The following MINDY4 variants were observed in gnomAD, a reference collection of about 807,000 sequenced individuals.
MINDY4 encodes MINDY lysine 48 deubiquitinase 4, also known as probable ubiquitin carboxyl-terminal hydrolase MINDY-4.
In MINDY4, 68 loss-of-function variants were observed where a neutral mutation model predicts 87.0. The ratio of observed to expected loss-of-function variants is 0.78; its 90% CI spans 0.64 to 0.96. MINDY4 has a LOEUF of 0.96. Among genes scored for constraint, MINDY4 ranks in the 40% least tolerant of loss-of-function variants. MINDY4 has a pLI of 0.00. For synonymous variants in MINDY4, 379 were observed against 363.2 expected (o/e 1.04, Z -0.50); for missense variants, 919 against 928.2 (o/e 0.99, Z 0.13).
intron 6 of MINDY4, among the ~76,000 whole-genome samples, chr7:30,835,437 A>G (rs1788828317): frequency 6.6e-6 from 1 of 152,196 alleles, no homozygotes; most frequent in Non-Finnish European, 1.5e-5. Context: ...GGGAGTTACA[A>G]AATGAAATTT....
chr7:30,781,821 A>C, intron 2 of MINDY4, 156 bp from the exon 3 acceptor site: 1 of 619,032 alleles, frequency 1.6e-6, no homozygotes, highest in South Asian at 2.0e-5. Flanking sequence ...ATAGTACCTG[A>C]CATATATAAT....
Position 30,793,180 on chromosome 7 carries a change from C to T in MINDY4, c.1073+1606C>T, listed in dbSNP as rs530807619. On this transcript the variant is annotated intron_variant, in intron 5 of 17. Transcript: ENST00000265299. ...TTTAATTGTTTATATATGTATTATT[C>T]TTTATGATTGCAATCCTTTGATATT... is the stretch of plus-strand genomic sequence containing the variant. 2.4e-4 allele frequency among the ~76,000 whole-genome samples: 30 copies of T among 125,848 alleles called. No individual in the cohort carries two copies. In the South Asian group the frequency reaches 7.4e-3, roughly 31 times the overall value. The allele number at this position is 125,848 out of a possible 152,430, so 82.6% of individuals were successfully genotyped here.
intron 14 of MINDY4, among the ~76,000 whole-genome samples, chr7:30,872,997 G>A (rs1435898312): frequency 6.6e-6 from 1 of 152,246 alleles, no homozygotes; most frequent in Non-Finnish European, 1.5e-5. Flanking sequence ...GGGCCACAAT[G>A]CGTAGCATGG....
intron 4 of MINDY4, among the ~76,000 whole-genome samples, chr7:30,790,704 C>T (rs1787295875): frequency 6.6e-6 from 1 of 152,148 alleles, no homozygotes; most frequent in Non-Finnish European, 1.5e-5. Context: ...CTTGGCCTCC[C>T]AAAGTGCTAG....
chr7:30,795,087 T>A (rs890665984), intron 5 of MINDY4, among the ~76,000 whole-genome samples: 1 of 152,160 alleles, frequency 6.6e-6, no homozygotes, highest in Non-Finnish European at 1.5e-5. Flanking sequence ...TCACTTGTGT[T>A]GCTCACAGCC....
chr7:30,870,963 AGTGTGCCTCTCAGGGTAAT>A (rs927782196), intron 13 of MINDY4, among the ~76,000 whole-genome samples: 23 of 146,932 alleles, frequency 1.6e-4, no homozygotes, highest in Admixed American at 1.5e-3. Context: ...CCCAGAGTCA[AGTGTGCCTCTCAGGGTAAT>A]GTGTGCCCCC....
intron 3 of MINDY4, among the ~76,000 whole-genome samples, chr7:30,783,020 A>G (rs6965801): frequency 6.6e-5 from 10 of 152,356 alleles, no homozygotes; most frequent in Middle Eastern, 3.4e-3. Flanking sequence ...TGGGTACCAT[A>G]GCCTAGCCAC....
chr7:30,890,721 G>T (rs1256262010), intron 17 of MINDY4, among the ~76,000 whole-genome samples: 1 of 152,128 alleles, frequency 6.6e-6, no homozygotes, highest in Non-Finnish European at 1.5e-5. Context: ...CTGACTTGAA[G>T]AAAGACAAAG....
chr7:30,876,006 C>T (rs1335397390), intron 15 of MINDY4, among the ~76,000 whole-genome samples: 1 of 152,156 alleles, frequency 6.6e-6, no homozygotes, highest in African/African-American at 2.4e-5. Flanking sequence ...GTGTTAGTTT[C>T]CTAGTGCTGC....
chr7:30,808,764 A>T (rs1201588013), intron 5 of MINDY4, among the ~76,000 whole-genome samples: 1 of 152,182 alleles, frequency 6.6e-6, no homozygotes, highest in Non-Finnish European at 1.5e-5. Context: ...CACCCAGACC[A>T]GTTCCTGTAC....
intron 13 of MINDY4, among the ~76,000 whole-genome samples, chr7:30,862,465 C>A (rs1789795075): frequency 6.6e-6 from 1 of 152,254 alleles, no homozygotes; most frequent in Non-Finnish European, 1.5e-5. Flanking sequence ...TCCAGCGGCG[C>A]TCCCTGCATC....
At chr7:30,807,369 C>T (rs2128557153) in intron 5 of MINDY4, among the ~76,000 whole-genome samples, 1 of 152,266 alleles carries the variant, frequency 6.6e-6, no homozygotes, top group Middle Eastern at 3.4e-3. Context: ...TCCCTCTGCC[C>T]CTGCTCAGCT....
At chr7:30,836,902 A>G (rs1391380717) in intron 7 of MINDY4, 138 bp downstream of exon 7, 5 of 671,914 alleles carry the variant, frequency 7.4e-6, no homozygotes, top group Non-Finnish European at 2.6e-6. Flanking sequence ...GGTGTGATGT[A>G]GAAGAAAATG....
chr7:30,802,778 A>G (rs1787694117), intron 5 of MINDY4, among the ~76,000 whole-genome samples: 1 of 152,158 alleles, frequency 6.6e-6, no homozygotes, highest in African/African-American at 2.4e-5. Context: ...TCACCCAACC[A>G]TATATCTAGC....
At chr7:30,856,430 A>G (rs1431204435) in intron 12 of MINDY4, among the ~76,000 whole-genome samples, 1 of 151,974 alleles carries the variant, frequency 6.6e-6, no homozygotes. Context: ...AGGCATGTCC[A>G]GGGCTCAAGG....
chr7:30,826,234 T>C (rs554823789), intron 5 of MINDY4, among the ~76,000 whole-genome samples: 15 of 152,312 alleles, frequency 9.8e-5, no homozygotes, highest in African/African-American at 3.6e-4. Context: ...GTGGATATAA[T>C]TGAGGGCCGT....
At chr7:30,816,046 A>T (rs1359533274) in intron 5 of MINDY4, among the ~76,000 whole-genome samples, 2 of 152,120 alleles carry the variant, frequency 1.3e-5, no homozygotes, top group African/African-American at 2.4e-5. Context: ...TCCCACCTCC[A>T]GCAGGGCTGC....
chr7:30,859,839 C>A (rs1789695935), intron 13 of MINDY4, among the ~76,000 whole-genome samples: 1 of 152,104 alleles, frequency 6.6e-6, no homozygotes, highest in African/African-American at 2.4e-5. Context: ...TCCTAATCTC[C>A]CCTGCCTGAC....
intron 13 of MINDY4, among the ~76,000 whole-genome samples, chr7:30,862,367 A>G (rs947843157): frequency 5.3e-5 from 8 of 152,232 alleles, no homozygotes; most frequent in Non-Finnish European, 1.0e-4. Context: ...TGCATGTGGG[A>G]GTGCGCCCGT....
Sources: gnomAD v4.1 joint callset for allele counts (sites outside exome capture counted in the v4.1 genomes callset) on GRCh38, gnomAD v4.1.1 for gene constraint, MANE v1.5 for transcripts, NCBI Gene and HGNC (gene_info 2026-07-23, HGNC 2026-07-21) for gene names.